The following BCKDHA variants were observed in gnomAD, a reference collection of about 807,000 sequenced individuals.
BCKDHA encodes 2-oxoisovalerate dehydrogenase subunit alpha, mitochondrial.
In BCKDHA, 43 loss-of-function variants were observed where a neutral mutation model predicts 52.2. The ratio of observed to expected loss-of-function variants is 0.82; its 90% CI spans 0.64 to 1.06. The LOEUF is 1.06. Ranked by LOEUF, BCKDHA falls within the 50% of genes least tolerant of loss-of-function variation. BCKDHA has a pLI of 0.00. For synonymous variants in BCKDHA, 234 were observed against 247.9 expected (o/e 0.94, Z 0.53); for missense variants, 527 against 621.3 (o/e 0.85, Z 1.61).
At chr19:41,424,364 C>T in intron 8 of BCKDHA, 74 bp from the exon 9 acceptor site, 1 of 1,570,786 alleles carries the variant, frequency 6.4e-7, no homozygotes, top group Non-Finnish European at 8.7e-7. Context: ...AATTCCTTGC[C>T]AAGGCCCCGC....
chr19:41,419,669 C>G (rs1303920282), intron 5 of BCKDHA, among the ~76,000 whole-genome samples: 1 of 148,102 alleles, frequency 6.8e-6, no homozygotes, highest in Non-Finnish European at 1.5e-5. Context: ...CTCAAACTCC[C>G]GGCCTCAGGT....
At chr19:41,412,005 G>A (rs962658323) in intron 3 of BCKDHA, among the ~76,000 whole-genome samples, 2 of 152,206 alleles carry the variant, frequency 1.3e-5, no homozygotes, top group African/African-American at 4.8e-5. Context: ...GGGCACCGCC[G>A]AGCCGCGAGG....
chr19:41,410,697 G>C lies in BCKDHA; in HGVS notation c.169G>C (p.Ala57Pro). 1 of 1,614,164 alleles carries C rather than the reference G, an allele frequency of 6.2e-7. No homozygotes were observed. The highest frequency in any genetic ancestry group is 8.5e-7 in the Non-Finnish European group (1 of 1,180,034). ...SLDDKPQFPG[A>P]SAEFIDKLEF... ...GGATGACAAGCCCCAGTTCCCAGGG[G>C]CCTCGGCGGAGTTTATAGATAAGTT... The change falls in exon 2 of 9, where the codon GCC (alanine) becomes CCC (proline). Residue 57 changes from alanine to proline, a missense_variant. Physicochemically the swap from Ala to Pro is conservative, Grantham distance 27 (BLOSUM62 -1). Coordinates refer to ENST00000269980, the MANE Select transcript of BCKDHA (RefSeq NM_000709.4).
chr19:41,407,207 GGT>G (rs1263458541), intron 1 of BCKDHA, among the ~76,000 whole-genome samples: 1 of 152,126 alleles, frequency 6.6e-6, no homozygotes, highest in Non-Finnish European at 1.5e-5. Flanking sequence ...CTGAACCCCT[GGT>G]GTGAGTTAAC....
chr19:41,420,179 C>T lies in BCKDHA; in HGVS notation c.646+883C>T, dbSNP rs539460666. ...GCCTGTGTGACCACACTCTGGATTT[C>T]CCAACCACATGCCTACTGCATTTGT... On this transcript the variant is annotated intron_variant, in intron 5 of 8. Coordinates refer to ENST00000269980, the MANE Select transcript of BCKDHA (RefSeq NM_000709.4). Among the ~76,000 whole-genome samples the T allele has an allele frequency of 6.6e-5, 10 of 152,304 alleles. No individual in the cohort carries two copies. In the South Asian group the frequency reaches 2.1e-3, roughly 32 times the overall value.
chr19:41,402,102 A>C (rs2039145077), intron 1 of BCKDHA, among the ~76,000 whole-genome samples: 1 of 152,010 alleles, frequency 6.6e-6, no homozygotes, highest in South Asian at 2.1e-4. Context: ...TTGCAGGGGA[A>C]CTCCCCTTTA....
At position 41,410,837 on chromosome 19, in the gene BCKDHA, C is replaced by T. The variant is rs368375544; in HGVS notation, c.288+21C>T. 6 of 1,613,896 alleles carry T rather than the reference C, an allele frequency of 3.7e-6. No homozygotes were observed. In the Admixed American group the frequency reaches 5.0e-5, roughly 13 times the overall value. On this transcript the variant is annotated intron_variant, in intron 2 of 8. Coordinates refer to ENST00000269980, the MANE Select transcript of BCKDHA (RefSeq NM_000709.4). ...CCCACGTGAGAGGCGGCCTCCCCCA[C>T]TTCCCGTGCCCCCCACGCCCAGGCC...
chr19:41,410,642 C>G lies in BCKDHA; in HGVS notation c.114C>G (p.Pro38=), dbSNP rs11549935. The part of the protein sequence containing the change: ...PGARGLARSH[P]PRQQQQFSSL... ...TCCTCTGCTCTCTTCCCCAGCACCCCCCCAGGCAGCAGCAGCAGTTTTCAT... is the reference window on the plus strand; with the variant it reads ...TCCTCTGCTCTCTTCCCCAGCACCCGCCCAGGCAGCAGCAGCAGTTTTCAT... Residue 38 remains proline, a synonymous_variant, in exon 2 of 9, where the codon CCC becomes CCG. Transcript: ENST00000269980. The G allele has an allele frequency of 9.7e-4, 1,563 of 1,614,136 alleles. 17 individuals carry two copies. In the African/African-American group the frequency reaches 0.018, roughly 19 times the overall value.
rs886054461 is a variant in BCKDHA at position 41,422,359 on chromosome 19, G to T, written c.842G>T (p.Gly281Val). Residue 281 changes from glycine (G) to valine (V), a missense_variant, in exon 6 of 9, where the codon GGC becomes GTC. Transcript: ENST00000269980. ...ISTPTSEQYR[G>V]DGIAARGPGY... ...ACGCCCACCTCTGAGCAGTATCGCG[G>T]CGATGGCATTGGTATGGGCTCTGCT... 1 of 1,614,170 alleles carries T rather than the reference G, an allele frequency of 6.2e-7. No homozygotes were observed. Among genetic ancestry groups the T allele is most frequent in the Non-Finnish European group, 8.5e-7 (1 of 1,180,016 alleles).
chr19:41,419,116 T>C lies in BCKDHA; in HGVS notation c.485-19T>C, dbSNP rs2039336784. 9 of 1,613,820 alleles carry C rather than the reference T, an allele frequency of 5.6e-6. No individual in the cohort carries two copies. In the East Asian group the frequency reaches 1.3e-4, roughly 24 times the overall value. ...CCTGTACTGCCCACTCGGCTAACCA[T>C]TGCCTCCTCCCCTCCTAGGTGTGCT... On this transcript the variant is annotated intron_variant, in intron 4 of 8. Coordinates refer to ENST00000269980, the MANE Select transcript of BCKDHA (RefSeq NM_000709.4).
chr19:41,413,970 G>A (rs951038250), intron 3 of BCKDHA, 79 bp from the exon 4 acceptor site: 12 of 1,234,794 alleles, frequency 9.7e-6, no homozygotes, highest in Admixed American at 1.7e-5. Context: ...GGTGTTGGAA[G>A]CTGGGCAGGA....
chr19:41,399,989 T>G (rs2039120419), intron 1 of BCKDHA: 1 of 152,104 alleles, frequency 6.6e-6, no homozygotes, highest in African/African-American at 2.4e-5. Flanking sequence ...TTTCACCATG[T>G]TGTCCAGGCT....
intron 8 of BCKDHA, among the ~76,000 whole-genome samples, chr19:41,423,981 A>G (rs941679157): frequency 1.1e-4 from 16 of 151,978 alleles, no homozygotes; most frequent in Non-Finnish European, 1.3e-4. Flanking sequence ...CAACAGAGCA[A>G]GACTATCTCT....
chr19:41,407,820 G>A (rs2039209427), intron 1 of BCKDHA, among the ~76,000 whole-genome samples: 1 of 152,138 alleles, frequency 6.6e-6, no homozygotes, highest in Non-Finnish European at 1.5e-5. Flanking sequence ...TACTGACCTC[G>A]GAGGAATCCC....
intron 8 of BCKDHA, 102 bp from the exon 9 acceptor site, chr19:41,424,336 C>T: frequency 7.5e-7 from 1 of 1,325,754 alleles, no homozygotes; most frequent in Non-Finnish European, 1.1e-6. Context: ...GGTGGGAACA[C>T]AAAGGCTTGG....
At chr19:41,411,524 A>G (rs1006909368) in intron 3 of BCKDHA, among the ~76,000 whole-genome samples, 3 of 152,116 alleles carry the variant, frequency 2.0e-5, no homozygotes, top group African/African-American at 4.8e-5. Flanking sequence ...TCTTCCAGGC[A>G]GGAAGTAGAG....
intron 4 of BCKDHA, 183 bp from the exon 5 acceptor site, chr19:41,418,952 G>T: frequency 1.5e-6 from 1 of 663,806 alleles, no homozygotes. Context: ...CTAGATTTCT[G>T]CTTTCTTTTG....
At chr19:41,416,417 C>T (rs1013104472) in intron 4 of BCKDHA, among the ~76,000 whole-genome samples, 1 of 152,238 alleles carries the variant, frequency 6.6e-6, no homozygotes, top group African/African-American at 2.4e-5. Flanking sequence ...ACCATCAACT[C>T]TAAAAGCCAG....
At chr19:41,410,549 CAT>C (rs2039239786) in intron 1 of BCKDHA, 86 bp from the exon 2 acceptor site, 1 of 1,474,562 alleles carries the variant, frequency 6.8e-7, no homozygotes, top group Non-Finnish European at 9.3e-7. Context: ...GCTCAACCAC[CAT>C]GCCGCCTGCC....
Sources: gnomAD v4.1 joint callset for allele counts (sites outside exome capture counted in the v4.1 genomes callset) on GRCh38, gnomAD v4.1.1 for gene constraint, MANE v1.5 for transcripts, NCBI Gene and HGNC (gene_info 2026-07-23, HGNC 2026-07-21) for gene names.